The following DHX35 variants were observed in gnomAD, a reference collection of about 807,000 sequenced individuals.
DHX35 encodes probable ATP-dependent RNA helicase DHX35.
In DHX35, 84 loss-of-function variants were observed where a neutral mutation model predicts 99.6. The ratio of observed to expected loss-of-function variants is 0.84; its 90% CI spans 0.71 to 1.01. The LOEUF (loss-of-function observed/expected upper bound fraction) is 1.01, where lower values mean the gene tolerates loss of function less well. DHX35 is among the 50% of genes least tolerant of loss of function. DHX35 has a pLI of 0.00. For synonymous variants in DHX35, 331 were observed against 316.2 expected (o/e 1.05, Z -0.50); for missense variants, 852 against 888.5 (o/e 0.96, Z 0.52).
At chr20:38,991,834 A>C (rs1172201879) in intron 6 of DHX35, among the ~76,000 whole-genome samples, 1 of 152,214 alleles carries the variant, frequency 6.6e-6, no homozygotes, top group Non-Finnish European at 1.5e-5. Context: ...TGTAATATAC[A>C]GAGTCCAAAT....
intron 12 of DHX35, among the ~76,000 whole-genome samples, 190 bp from the exon 13 acceptor site, chr20:39,010,090 T>C (rs1033222673): frequency 6.6e-6 from 1 of 152,222 alleles, no homozygotes; most frequent in Non-Finnish European, 1.5e-5. Flanking sequence ...TATATTTATC[T>C]AAGGCATTTT....
intron 17 of DHX35, among the ~76,000 whole-genome samples, chr20:39,024,117 T>C (rs2086914474): frequency 6.6e-6 from 1 of 152,202 alleles, no homozygotes; most frequent in South Asian, 2.1e-4. Context: ...TTCTGCCAGG[T>C]GAATGAGGCT....
intron 8 of DHX35, among the ~76,000 whole-genome samples, chr20:38,999,373 C>T (rs2086481371): frequency 6.6e-6 from 1 of 152,072 alleles, no homozygotes; most frequent in South Asian, 2.1e-4. Context: ...AGGCTGCACA[C>T]CCCTGTGGTC....
chr20:39,038,491 T>C lies in DHX35; in HGVS notation c.2068-8T>C. 6.2e-7 allele frequency: 1 copy of C among 1,613,750 alleles called. No homozygotes were observed. On this transcript the variant is annotated splice_region_variant and splice_polypyrimidine_tract_variant and intron_variant, in intron 21 of 21. Coordinates refer to ENST00000252011, the MANE Select transcript of DHX35 (RefSeq NM_021931.4). ...ACCCCAACTGTAGTGTCTTCTCTTC[T>C]GTTGCAGCACCTGTCTCTGAAAGCC...
Position 39,023,675 on chromosome 20 carries a change from C to G in DHX35, c.1594-15C>G. 1 of 1,612,740 alleles carries G rather than the reference C, an allele frequency of 6.2e-7. No individual in the cohort carries two copies. The highest frequency in any genetic ancestry group is 8.5e-7 in the Non-Finnish European group (1 of 1,178,866). ...GCAAAGAGTGAAATTCTGAATGTTGCTTCATTCTTTCCAGATTCGAGTGCA... is the reference window on the plus strand; with the variant it reads ...GCAAAGAGTGAAATTCTGAATGTTGGTTCATTCTTTCCAGATTCGAGTGCA... On this transcript the variant is annotated splice_polypyrimidine_tract_variant and intron_variant, in intron 16 of 21. Coordinates refer to ENST00000252011, the MANE Select transcript of DHX35 (RefSeq NM_021931.4).
chr20:39,030,013 C>G (rs2087021697), intron 19 of DHX35: 2 of 147,134 alleles, frequency 1.4e-5, no homozygotes, highest in African/African-American at 5.0e-5. Context: ...GAGTTTCGCT[C>G]TTGTTGCCCA....
At chr20:38,997,003 A>G (rs1254069757) in intron 8 of DHX35, among the ~76,000 whole-genome samples, 1 of 152,036 alleles carries the variant, frequency 6.6e-6, no homozygotes, top group Non-Finnish European at 1.5e-5. Flanking sequence ...TCCAGTTTTT[A>G]TTATGTTGAA....
intron 1 of DHX35, among the ~76,000 whole-genome samples, chr20:38,965,692 T>G (rs185860613): frequency 3.3e-5 from 5 of 152,338 alleles, no homozygotes; most frequent in African/African-American, 7.2e-5. Context: ...ATGAATGATT[T>G]AAAACATTTT....
chr20:38,966,483 A>G (rs1463574748), intron 1 of DHX35, among the ~76,000 whole-genome samples: 1 of 152,228 alleles, frequency 6.6e-6, no homozygotes, highest in Non-Finnish European at 1.5e-5. Context: ...CAGCCTGGCT[A>G]ACATGGTGTG....
At chr20:39,001,990 T>G (rs2145895092) in intron 9 of DHX35, 148 bp downstream of exon 9, 1 of 730,754 alleles carries the variant, frequency 1.4e-6, no homozygotes, top group East Asian at 2.5e-5. Flanking sequence ...GTTCTTACCC[T>G]GCTCCGGATC....
intron 16 of DHX35, among the ~76,000 whole-genome samples, chr20:39,022,159 T>A (rs955170605): frequency 6.6e-6 from 1 of 152,066 alleles, no homozygotes; most frequent in Non-Finnish European, 1.5e-5. Context: ...TATCATATTT[T>A]ATTTATTTAT....
At chr20:39,033,227 C>A (rs1038693272) in intron 20 of DHX35, among the ~76,000 whole-genome samples, 1 of 152,104 alleles carries the variant, frequency 6.6e-6, no homozygotes, top group Non-Finnish European at 1.5e-5. Flanking sequence ...CAGAGCGAGA[C>A]CCTGCCTTTA....
At chr20:38,989,977 A>G (rs2086312875) in intron 5 of DHX35, among the ~76,000 whole-genome samples, 1 of 152,240 alleles carries the variant, frequency 6.6e-6, no homozygotes, top group African/African-American at 2.4e-5. Flanking sequence ...TGAAAATCAG[A>G]TGAGCTGAAT....
chr20:38,988,552 C>T (rs1358639415), intron 4 of DHX35, among the ~76,000 whole-genome samples: 1 of 152,118 alleles, frequency 6.6e-6, no homozygotes, highest in Non-Finnish European at 1.5e-5. Context: ...ATTGCTTGAA[C>T]TTGGGAGGTG....
chr20:38,994,644 T>C (rs201514201), intron 7 of DHX35, among the ~76,000 whole-genome samples, 177 bp from the exon 8 acceptor site: 10,420 of 96,770 alleles, frequency 0.11, 848 homozygotes, highest in Middle Eastern at 0.22. Flanking sequence ...CCCCCCCCCC[T>C]TTATTGACAA....
chr20:39,006,677 T>G (rs2086624703), intron 12 of DHX35, among the ~76,000 whole-genome samples: 1 of 152,222 alleles, frequency 6.6e-6, no homozygotes, highest in Non-Finnish European at 1.5e-5. Context: ...TTTCTTGCCT[T>G]TCTTTCTTGA....
Position 38,968,232 on chromosome 20 carries a change from G to A in DHX35, c.41-849G>A, listed in dbSNP as rs543690694. 2.1e-4 allele frequency among the ~76,000 whole-genome samples: 32 copies of A among 152,222 alleles called. 2 individuals carry two copies. In the South Asian group the frequency reaches 6.2e-3, roughly 30 times the overall value. ...TGTAAGCGTGAACCCTGGCACTGCC[G>A]GCAGCCGTCTTTCCAGCTCCTGTAC... On this transcript the variant is annotated intron_variant, in intron 1 of 21. Transcript: ENST00000252011.
intron 8 of DHX35, among the ~76,000 whole-genome samples, chr20:38,998,372 T>C (rs1218243284): frequency 6.6e-6 from 1 of 152,206 alleles, no homozygotes; most frequent in Non-Finnish European, 1.5e-5. Context: ...TGGACCAGTC[T>C]ACATGGGCCA....
chr20:39,021,912 C>T lies in DHX35; in HGVS notation c.1570C>T (p.Pro524Ser), dbSNP rs557256154. The T allele has an allele frequency of 1.2e-6, 2 of 1,614,006 alleles. No individual in the cohort carries two copies. The highest frequency in any genetic ancestry group is 4.5e-5 in the East Asian group (2 of 44,878). The change falls in exon 16 of 22, where the codon CCC (proline) becomes TCC (serine). Residue 524 changes from proline to serine, a missense_variant. Physicochemically the swap from Pro to Ser is moderately conservative, Grantham distance 74 (BLOSUM62 -1). Transcript: ENST00000252011. Reference sequence around the variant, plus strand: ...GCAGATCCAGAATATCTTTGTGGTCCCCCCAAACCAGAAGTCTCACGCAGT... The same window carrying T: ...GCAGATCCAGAATATCTTTGTGGTCTCCCCAAACCAGAAGTCTCACGCAGT... ...MMQIQNIFVV[P>S]PNQKSHAIRV...
Sources: allele counts gnomAD v4.1 joint callset (sites outside exome capture counted in the v4.1 genomes callset), GRCh38; gene constraint gnomAD v4.1.1; transcripts MANE v1.5; gene names NCBI Gene and HGNC (gene_info 2026-07-23, HGNC 2026-07-21).